Variants in REDIC1 observed in about 807,000 individuals in gnomAD.
REDIC1 encodes the protein regulator of DNA class I crossover intermediates 1.
chr12:39,896,502 G>GTA, the REDIC1 span, among the ~76,000 whole-genome samples: 6 of 144,716 alleles, frequency 4.1e-5, no homozygotes, highest in Admixed American at 1.4e-4. Flanking sequence ...ACACATATAT[G>GTA]TATGTACATG....
At chr12:39,815,282 C>G in the REDIC1 span, among the ~76,000 whole-genome samples, 1 of 152,160 alleles carries the variant, frequency 6.6e-6, no homozygotes, top group Admixed American at 6.5e-5. Context: ...CAGAATAAAG[C>G]AGAGAATACT....
At chr12:39,839,514 C>T in the REDIC1 span, among the ~76,000 whole-genome samples, 5 of 152,158 alleles carry the variant, frequency 3.3e-5, no homozygotes, top group South Asian at 1.0e-3. Context: ...TCATGGGTAA[C>T]TCGGAGCACT....
the REDIC1 span, among the ~76,000 whole-genome samples, chr12:39,647,084 G>T: frequency 6.6e-6 from 1 of 151,994 alleles, no homozygotes; most frequent in South Asian, 2.1e-4. Flanking sequence ...TCTTTGGACT[G>T]CTGGTAATGT....
At chr12:39,817,727 C>T in the REDIC1 span, among the ~76,000 whole-genome samples, 2,283 of 152,252 alleles carry the variant, frequency 0.015, 26 homozygotes, top group Middle Eastern at 0.024. Context: ...CTATAGCCAA[C>T]GTATGCAGAT....
chr12:39,749,902 T>C, the REDIC1 span, among the ~76,000 whole-genome samples: 1 of 152,214 alleles, frequency 6.6e-6, no homozygotes, highest in Admixed American at 6.5e-5. Context: ...AAATTAGGTA[T>C]TGATGGGACG....
At chr12:39,850,534 A>G in the REDIC1 span, among the ~76,000 whole-genome samples, 1 of 152,184 alleles carries the variant, frequency 6.6e-6, no homozygotes, top group Non-Finnish European at 1.5e-5. Context: ...AAGCCAAAAC[A>G]TACACACTTA....
chr12:39,809,851 G>A, the REDIC1 span, among the ~76,000 whole-genome samples: 1 of 152,082 alleles, frequency 6.6e-6, no homozygotes, highest in Non-Finnish European at 1.5e-5. Flanking sequence ...CCTTTTTTAT[G>A]GCTGCATAGT....
the REDIC1 span, among the ~76,000 whole-genome samples, chr12:39,781,753 G>GT: frequency 4.6e-5 from 7 of 152,270 alleles, no homozygotes; most frequent in East Asian, 1.4e-3. Flanking sequence ...AGAGATATTA[G>GT]TAGACATTTG....
At chr12:39,691,382 A>G in the REDIC1 span, among the ~76,000 whole-genome samples, 1 of 152,168 alleles carries the variant, frequency 6.6e-6, no homozygotes, top group South Asian at 2.1e-4. Context: ...TAAGCCCATG[A>G]TATGTATGCA....
At chr12:39,697,325 A>T in the REDIC1 span, among the ~76,000 whole-genome samples, 3 of 152,350 alleles carry the variant, frequency 2.0e-5, no homozygotes, top group East Asian at 5.8e-4. Flanking sequence ...AAGCTGAGGG[A>T]TTATCAACAC....
At chr12:39,854,241 G>GATA in the REDIC1 span, among the ~76,000 whole-genome samples, 20 of 151,926 alleles carry the variant, frequency 1.3e-4, no homozygotes, top group Admixed American at 2.0e-4. Flanking sequence ...TGTAAAATTG[G>GATA]ATAATAATAA....
At chr12:39,713,279 C>CACAT in the REDIC1 span, among the ~76,000 whole-genome samples, 19 of 19,792 alleles carry the variant, frequency 9.6e-4, 4 homozygotes, top group South Asian at 2.5e-3. Context: ...TGTACACACA[C>CACAT]ATACGTGTAT....
chr12:39,712,423 C>CAG, the REDIC1 span, among the ~76,000 whole-genome samples: 1 of 113,026 alleles, frequency 8.8e-6, no homozygotes, highest in Admixed American at 9.7e-5. Flanking sequence ...TATATACATA[C>CAG]GTATATATAC....
the REDIC1 span, among the ~76,000 whole-genome samples, chr12:39,861,197 C>A: frequency 3.9e-5 from 6 of 152,204 alleles, no homozygotes; most frequent in Non-Finnish European, 4.4e-5. Context: ...TCTCTGAGTG[C>A]CATCATCCCA....
At chr12:39,832,953 C>T in the REDIC1 span, among the ~76,000 whole-genome samples, 4 of 152,074 alleles carry the variant, frequency 2.6e-5, no homozygotes, top group African/African-American at 7.2e-5. Flanking sequence ...CAGCCTCAAA[C>T]GGATTCTCAA....
At chr12:39,885,208 A>T in the REDIC1 span, among the ~76,000 whole-genome samples, 3 of 152,350 alleles carry the variant, frequency 2.0e-5, no homozygotes, top group African/African-American at 7.2e-5. Flanking sequence ...TAGGAAGGCC[A>T]ACAGGACTGC....
the REDIC1 span, among the ~76,000 whole-genome samples, chr12:39,748,628 AC>A: frequency 4.6e-5 from 7 of 152,330 alleles, no homozygotes; most frequent in East Asian, 1.3e-3. Context: ...TCTTCTCAGC[AC>A]CACACTGCAC....
the REDIC1 span, among the ~76,000 whole-genome samples, chr12:39,709,140 C>T: frequency 3.3e-5 from 5 of 151,118 alleles, no homozygotes; most frequent in Admixed American, 1.3e-4. Flanking sequence ...GATACCCAAA[C>T]ACACACACAC....
chr12:39,708,068 TAGAA>T, the REDIC1 span, among the ~76,000 whole-genome samples: 190 of 151,790 alleles, frequency 1.3e-3, no homozygotes, highest in African/African-American at 4.2e-3. Context: ...AAAATTCAAT[TAGAA>T]AGAATGAATA....
Sources: allele counts gnomAD v4.1 joint callset (sites outside exome capture counted in the v4.1 genomes callset), GRCh38; gene constraint gnomAD v4.1.1; transcripts MANE v1.5; gene names NCBI Gene and HGNC (gene_info 2026-07-23, HGNC 2026-07-21).